The following RSPH6A variants were observed in gnomAD, a reference collection of about 807,000 sequenced individuals.
RSPH6A encodes radial spoke head 6 homolog A, also known as radial spoke head protein 6 homolog A.
Under a neutral mutation model 66.1 loss-of-function variants are expected in RSPH6A, and 49 were observed. The ratio of observed to expected loss-of-function variants is 0.74; its 90% confidence interval spans 0.59 to 0.94. The LOEUF is 0.94. RSPH6A is among the 40% of genes least tolerant of loss of function. The pLI is 0.00. For missense variants in RSPH6A, 977 were observed against 948.3 expected (o/e 1.03, Z -0.40); for synonymous variants, 419 against 402.4 (o/e 1.04, Z -0.49).
Position 45,804,528 on chromosome 19 carries a change from G to A in RSPH6A, c.1377C>T (p.Phe459=). The A allele has an allele frequency of 1.2e-6, 2 of 1,614,232 alleles. No homozygotes were observed. Among genetic ancestry groups the A allele is most frequent in the Non-Finnish European group, 1.7e-6 (2 of 1,180,046 alleles). Residue 459 remains phenylalanine, a synonymous_variant, in exon 3 of 6, where the codon TTC becomes TTT. Transcript: ENST00000221538. The surrounding 1 kb of genome is among the most constrained non-coding windows in gnomAD (Gnocchi z 5.8). The stretch of plus-strand genomic sequence containing the variant: ...CGACTGGCGTGTCCAGGTAGCCTGT[G>A]AAGAACTTCTTGATCTTTCGGGCGT... The part of the protein sequence containing the change: ...IVNARKIKKF[F]TGYLDTPVVS...
chr19:45,800,917 C>T (rs1970466302), intron 4 of RSPH6A, among the ~76,000 whole-genome samples: 1 of 152,004 alleles, frequency 6.6e-6, no homozygotes, highest in Non-Finnish European at 1.5e-5. Flanking sequence ...CCTTCCTCAA[C>T]CTCCCGAGTA....
In RSPH6A at chr19:45,795,832, A is replaced by G. The variant is rs1206395151; in HGVS notation, c.*37T>C. ...AACTACCTCTAAGGGGAAATTTGCT[A>G]TCTACCTGCTTGGGGAAAGTGGCTA... On this transcript the variant is annotated 3_prime_UTR_variant, in exon 6 of 6. Transcript: ENST00000221538. 6.4e-7 allele frequency: 1 copy of G among 1,556,394 alleles called. No homozygotes were observed. The highest frequency in any genetic ancestry group is 1.2e-5 in the South Asian group (1 of 85,948).
chr19:45,810,245 C>T (rs1970605775), intron 2 of RSPH6A, among the ~76,000 whole-genome samples: 1 of 34,964 alleles, frequency 2.9e-5, no homozygotes, highest in Non-Finnish European at 5.3e-5. Flanking sequence ...TCTCGGCTCA[C>T]TGCCAAGCTC....
Position 45,795,824 on chromosome 19 carries a change from A to C in RSPH6A, c.*45T>G. 1 of 1,528,894 alleles carries C rather than the reference A, an allele frequency of 6.5e-7. No individual in the cohort carries two copies. The highest frequency in any genetic ancestry group is 8.9e-7 in the Non-Finnish European group (1 of 1,124,084). The allele number at this position is 1,528,894 out of a possible 1,614,324, so 94.7% of individuals were successfully genotyped here. On this transcript the variant is annotated 3_prime_UTR_variant, in exon 6 of 6. Transcript: ENST00000221538. ...TCCATGCTAACTACCTCTAAGGGGA[A>C]ATTTGCTATCTACCTGCTTGGGGAA...
Position 45,814,199 on chromosome 19 carries a change from G to A in RSPH6A, c.650+328C>T, listed in dbSNP as rs376806291. ...AAGAGGGCTTGGGGAGCCAAATCAC[G>A]TGTTCTGGAATCCTGACTCTGCCAT... On this transcript the variant is annotated intron_variant, in intron 1 of 5. Transcript: ENST00000221538. Among the ~76,000 whole-genome samples the A allele has an allele frequency of 1.7e-4, 26 of 152,046 alleles. No individual in the cohort carries two copies. In the East Asian group the frequency reaches 1.9e-3, roughly 11 times the overall value.
chr19:45,808,531 T>G (rs1250056047), intron 2 of RSPH6A, among the ~76,000 whole-genome samples: 1 of 151,972 alleles, frequency 6.6e-6, no homozygotes, highest in African/African-American at 2.4e-5. Context: ...AGGTGGAGGT[T>G]GCAGTGAGCT....
intron 5 of RSPH6A, 36 bp downstream of exon 5, chr19:45,800,410 G>C (rs1235341434): frequency 6.3e-7 from 1 of 1,584,122 alleles, no homozygotes; most frequent in African/African-American, 1.3e-5. Flanking sequence ...AGTCCTGAGA[G>C]ATTCTCCTGC....
intron 3 of RSPH6A, among the ~76,000 whole-genome samples, chr19:45,802,727 G>A (rs1211564803): frequency 2.0e-5 from 3 of 151,310 alleles, no homozygotes; most frequent in Non-Finnish European, 4.4e-5. Context: ...GGCTGGTCTC[G>A]AACTCCTGAC....
intron 4 of RSPH6A, among the ~76,000 whole-genome samples, chr19:45,801,078 G>A (rs1441414941): frequency 2.0e-5 from 3 of 152,160 alleles, no homozygotes; most frequent in Admixed American, 6.5e-5. Flanking sequence ...GATTACAGGC[G>A]TGAGCCACCT....
intron 5 of RSPH6A, among the ~76,000 whole-genome samples, chr19:45,798,178 G>A (rs1317975044): frequency 6.6e-6 from 1 of 151,762 alleles, no homozygotes; most frequent in Non-Finnish European, 1.5e-5. Flanking sequence ...GGCCAACATG[G>A]TGAAACCCCA....
At chr19:45,807,894 G>A (rs1352135958) in intron 2 of RSPH6A, among the ~76,000 whole-genome samples, 2 of 152,162 alleles carry the variant, frequency 1.3e-5, no homozygotes, top group Non-Finnish European at 2.9e-5. Flanking sequence ...TGGGAGTGTG[G>A]GGAATAGGCA....
At chr19:45,800,051 CAAACA>C (rs879501213) in intron 5 of RSPH6A, among the ~76,000 whole-genome samples, 1 of 152,112 alleles carries the variant, frequency 6.6e-6, no homozygotes, top group African/African-American at 2.4e-5. Flanking sequence ...GACTCCATCT[CAAACA>C]AAACAAAACA....
At chr19:45,812,968 T>C (rs1427107978) in intron 1 of RSPH6A, among the ~76,000 whole-genome samples, 2 of 152,072 alleles carry the variant, frequency 1.3e-5, no homozygotes, top group African/African-American at 4.8e-5. Context: ...AGTGCTGGGA[T>C]CACAGGCATG....
chr19:45,796,403 C>T (rs963554513), intron 5 of RSPH6A, among the ~76,000 whole-genome samples: 8 of 151,672 alleles, frequency 5.3e-5, no homozygotes, highest in Non-Finnish European at 8.8e-5. Context: ...CTGCCCGCCT[C>T]GGCCTCCCAA....
In RSPH6A at chr19:45,815,061, T is replaced by C; in HGVS notation, c.116A>G (p.Asp39Gly). ...SRDQAQALAA[D>G]PEERQQIPPD... is the part of the protein sequence containing the mutation. ...AGGTATCTGCTGCCTCTCCTCGGGG[T>C]CCGCTGCCAGGGCCTGAGCTTGGTC... The change falls in exon 1 of 6, where the codon GAC (aspartate) becomes GGC (glycine). Residue 39 changes from aspartate (D) to glycine (G), a missense_variant. Asp to Gly is a moderately conservative substitution (Grantham distance 94). Transcript: ENST00000221538. 3 of 1,613,364 alleles carry C rather than the reference T, an allele frequency of 1.9e-6. No individual in the cohort carries two copies. The highest frequency in any genetic ancestry group is 2.5e-6 in the Non-Finnish European group (3 of 1,179,970).
chr19:45,798,358 C>CA (rs1046162089), intron 5 of RSPH6A, among the ~76,000 whole-genome samples: 18 of 149,048 alleles, frequency 1.2e-4, no homozygotes, highest in African/African-American at 3.2e-4. Flanking sequence ...GACTCCATCT[C>CA]AAAAAAAAAG....
intron 2 of RSPH6A, among the ~76,000 whole-genome samples, chr19:45,805,450 G>A (rs1008110219): frequency 6.6e-6 from 1 of 151,990 alleles, no homozygotes; most frequent in Non-Finnish European, 1.5e-5. Flanking sequence ...CCAGCACTTA[G>A]GGAGGCCAAG....
intron 5 of RSPH6A, among the ~76,000 whole-genome samples, chr19:45,797,401 AGTAACT>A (rs1970420107): frequency 1.3e-5 from 2 of 151,750 alleles, no homozygotes; most frequent in African/African-American, 4.8e-5. Context: ...AAAAGAAATA[AGTAACT>A]AAAAATAACA....
At chr19:45,805,162 C>G (rs1240217331) in intron 2 of RSPH6A, 146 bp from the exon 3 acceptor site, 1 of 656,146 alleles carries the variant, frequency 1.5e-6, no homozygotes, top group Non-Finnish European at 2.5e-6. Flanking sequence ...TTTGAAAGGC[C>G]GAGGCTGGCT....
Sources: gnomAD v4.1 joint callset for allele counts (sites outside exome capture counted in the v4.1 genomes callset) on GRCh38, gnomAD v4.1.1 for gene constraint, Gnocchi (gnomAD v3.1) non-coding constraint, MANE v1.5 for transcripts, NCBI Gene and HGNC (gene_info 2026-07-23, HGNC 2026-07-21) for gene names.